Variants in KGD4 observed in about 807,000 individuals in gnomAD.
The protein encoded by KGD4 is alpha-ketoglutarate dehydrogenase subunit 4.
At chr5:69,220,030 G>T in the KGD4 span, among the ~76,000 whole-genome samples, 1 of 152,032 alleles carries the variant, frequency 6.6e-6, no homozygotes, top group Non-Finnish European at 1.5e-5. Flanking sequence ...AGGAGTTCAA[G>T]ACCAGCCTGG....
the KGD4 span, among the ~76,000 whole-genome samples, chr5:69,221,505 A>G: frequency 3.9e-5 from 6 of 152,242 alleles, no homozygotes; most frequent in Non-Finnish European, 7.3e-5. Context: ...ATCTTTGACA[A>G]AACGAGCAAA....
At chr5:69,228,510 C>A in the KGD4 span, 3 of 925,580 alleles carry the variant, frequency 3.2e-6, no homozygotes, top group Non-Finnish European at 4.9e-6. Context: ...AGAGCTAAGA[C>A]AGGATGGTCA....
the KGD4 span, among the ~76,000 whole-genome samples, chr5:69,219,492 T>C: frequency 1.3e-5 from 2 of 152,290 alleles, no homozygotes; most frequent in South Asian, 2.1e-4. Context: ...ACAATCTCTA[T>C]GTCTGTCTTT....
the KGD4 span, among the ~76,000 whole-genome samples, chr5:69,228,019 T>C: frequency 2.2e-4 from 34 of 152,220 alleles, no homozygotes; most frequent in African/African-American, 2.4e-5. Context: ...CTTTATGAAA[T>C]TATATATAGC....
chr5:69,223,074 CTTTTTTTTTTT>C, the KGD4 span, among the ~76,000 whole-genome samples: 2 of 59,128 alleles, frequency 3.4e-5, no homozygotes, highest in Admixed American at 5.5e-4. Context: ...CGGTGCGCAG[CTTTTTTTTTTT>C]TTTTTTTTTT....
chr5:69,217,996 T>G, the KGD4 span: 4 of 1,495,530 alleles, frequency 2.7e-6, no homozygotes, highest in African/African-American at 2.8e-5. Flanking sequence ...GGAGGGCCAG[T>G]GACGGCGCCC....
At chr5:69,223,563 A>C in the KGD4 span, among the ~76,000 whole-genome samples, 3 of 90,654 alleles carry the variant, frequency 3.3e-5, no homozygotes, top group South Asian at 1.8e-3. Flanking sequence ...TATTGCAGAT[A>C]AACCCACCTC....
chr5:69,223,552 A>G, the KGD4 span, among the ~76,000 whole-genome samples: 1 of 91,124 alleles, frequency 1.1e-5, no homozygotes, highest in Admixed American at 1.2e-4. Context: ...ATATATAAAT[A>G]TATTGCAGAT....
At chr5:69,218,024 T>G in the KGD4 span, 1 of 1,265,214 alleles carries the variant, frequency 7.9e-7, no homozygotes, top group East Asian at 2.5e-5. Context: ...TGTGTGAGGA[T>G]GGGACTTTGA....
At chr5:69,222,647 C>T in the KGD4 span, among the ~76,000 whole-genome samples, 2 of 152,080 alleles carry the variant, frequency 1.3e-5, no homozygotes, top group South Asian at 2.1e-4. Context: ...GGGCTCAAGC[C>T]GTCTTCCCAA....
the KGD4 span, among the ~76,000 whole-genome samples, chr5:69,223,073 G>GTTTTTT: frequency 1.3e-4 from 6 of 47,502 alleles, no homozygotes; most frequent in South Asian, 8.8e-4. Flanking sequence ...ACGGTGCGCA[G>GTTTTTT]CTTTTTTTTT....
chr5:69,223,074 CTTT>C, the KGD4 span, among the ~76,000 whole-genome samples: 4 of 59,124 alleles, frequency 6.8e-5, no homozygotes, highest in African/African-American at 3.3e-4. Context: ...CGGTGCGCAG[CTTT>C]TTTTTTTTTT....
At chr5:69,224,853 T>C in the KGD4 span, among the ~76,000 whole-genome samples, 2 of 151,856 alleles carry the variant, frequency 1.3e-5, no homozygotes, top group African/African-American at 4.8e-5. Flanking sequence ...GGTGGGCGGA[T>C]CATGAGGTCA....
the KGD4 span, among the ~76,000 whole-genome samples, chr5:69,225,202 T>G: frequency 6.7e-6 from 1 of 149,246 alleles, no homozygotes; most frequent in South Asian, 2.1e-4. Flanking sequence ...CCTCCTTGGT[T>G]CAAGTGATCC....
chr5:69,219,221 T>C, the KGD4 span, among the ~76,000 whole-genome samples: 1 of 152,228 alleles, frequency 6.6e-6, no homozygotes, highest in Non-Finnish European at 1.5e-5. Flanking sequence ...TTTGGAAAGC[T>C]GTCAGTCTCT....
At chr5:69,217,858 G>A in the KGD4 span, 1 of 1,614,006 alleles carries the variant, frequency 6.2e-7, no homozygotes, top group Non-Finnish European at 8.5e-7. Flanking sequence ...GCGTCTGCTA[G>A]TAGGGTCGTT....
the KGD4 span, among the ~76,000 whole-genome samples, chr5:69,223,797 A>G: frequency 1.3e-5 from 2 of 152,142 alleles, no homozygotes; most frequent in Admixed American, 1.3e-4. Flanking sequence ...ATGGTGGCTC[A>G]CGCCTGTAAT....
At chr5:69,228,607 T>TA in the KGD4 span, among the ~76,000 whole-genome samples, 2 of 152,140 alleles carry the variant, frequency 1.3e-5, no homozygotes, top group Non-Finnish European at 2.9e-5. Context: ...TATAATCACA[T>TA]AAAAAACAGC....
the KGD4 span, among the ~76,000 whole-genome samples, chr5:69,226,807 C>T: frequency 6.6e-6 from 1 of 151,714 alleles, no homozygotes; most frequent in African/African-American, 2.4e-5. Flanking sequence ...AAGATCATGC[C>T]ACTGCACTCC....
Sources: gnomAD v4.1 joint callset for allele counts (sites outside exome capture counted in the v4.1 genomes callset) on GRCh38, gnomAD v4.1.1 for gene constraint, MANE v1.5 for transcripts, NCBI Gene and HGNC (gene_info 2026-07-23, HGNC 2026-07-21) for gene names.